Variants in EEFSEC observed in about 807,000 individuals in gnomAD.
EEFSEC encodes the protein selenocysteine-specific elongation factor.
In EEFSEC, 43 loss-of-function variants were observed where a neutral mutation model predicts 42.1. The observed-to-expected ratio is 1.02, with a 90% CI of 0.80 to 1.32. The LOEUF is 1.32. EEFSEC is among the 40% of genes most tolerant of loss of function. The pLI is 0.00. For missense variants in EEFSEC, 745 were observed against 803.6 expected (o/e 0.93, Z 0.88); for synonymous variants, 354 against 339.1 (o/e 1.04, Z -0.48).
At chr3:128,238,103 TCTC>T (rs2066032043) in intron 1 of EEFSEC, among the ~76,000 whole-genome samples, 1 of 152,018 alleles carries the variant, frequency 6.6e-6, no homozygotes, top group Non-Finnish European at 1.5e-5. Context: ...AAATGGGAGG[TCTC>T]CTCTTCCAGG....
chr3:128,238,286 A>G (rs552212867), intron 1 of EEFSEC, among the ~76,000 whole-genome samples: 1 of 152,350 alleles, frequency 6.6e-6, no homozygotes, highest in East Asian at 1.9e-4. Context: ...CCTCAGCCAC[A>G]TCAGACAAAG....
intron 1 of EEFSEC, among the ~76,000 whole-genome samples, chr3:128,163,531 A>G (rs1313780829): frequency 2.0e-5 from 3 of 152,076 alleles, no homozygotes; most frequent in Admixed American, 2.0e-4. Context: ...ATTTTATGGT[A>G]TGTAAATTAC....
intron 1 of EEFSEC, among the ~76,000 whole-genome samples, chr3:128,193,498 C>T (rs1329868493): frequency 6.6e-6 from 1 of 152,216 alleles, no homozygotes; most frequent in Non-Finnish European, 1.5e-5. Flanking sequence ...ATTCATTTAT[C>T]CAGTTACGTA....
chr3:128,409,361 CGT>C (rs60523218), downstream of EEFSEC, among the ~76,000 whole-genome samples: 12,534 of 148,862 alleles, frequency 0.084, 834 homozygotes, highest in East Asian at 0.38. Flanking sequence ...GCCCCAGAGC[CGT>C]GTGTGTGTGT....
chr3:128,242,057 G>A (rs1011441655), intron 1 of EEFSEC, among the ~76,000 whole-genome samples: 5 of 152,174 alleles, frequency 3.3e-5, no homozygotes, highest in African/African-American at 4.8e-5. Flanking sequence ...GCTCACGCCC[G>A]TAATCCTAGT....
intron 6 of EEFSEC, among the ~76,000 whole-genome samples, chr3:128,404,657 C>T (rs2068088642): frequency 6.6e-6 from 1 of 152,252 alleles, no homozygotes; most frequent in Admixed American, 6.5e-5. Flanking sequence ...GGCCAGGGTC[C>T]TCCCCATGCC....
intron 4 of EEFSEC, among the ~76,000 whole-genome samples, chr3:128,321,273 T>G (rs1314465486): frequency 1.3e-5 from 2 of 152,032 alleles, no homozygotes; most frequent in Non-Finnish European, 2.9e-5. Context: ...GGAACTGGCT[T>G]TCTGCTTGTG....
chr3:128,265,416 A>G (rs775914943), intron 4 of EEFSEC, among the ~76,000 whole-genome samples: 1 of 152,186 alleles, frequency 6.6e-6, no homozygotes, highest in Admixed American at 6.5e-5. Context: ...GATTTAAAAG[A>G]TAGTGCCTTG....
chr3:128,253,805 A>G (rs929340033), intron 2 of EEFSEC, among the ~76,000 whole-genome samples: 2 of 152,090 alleles, frequency 1.3e-5, no homozygotes, highest in African/African-American at 2.4e-5. Context: ...CTACTCTAGA[A>G]CTGATTGACA....
intron 1 of EEFSEC, among the ~76,000 whole-genome samples, chr3:128,241,466 C>T (rs2066070969): frequency 6.6e-6 from 1 of 152,160 alleles, no homozygotes; most frequent in Non-Finnish European, 1.5e-5. Context: ...ACACCTCAGC[C>T]TCCCAAAGTG....
chr3:128,283,262 G>T (rs2066547964), intron 4 of EEFSEC, among the ~76,000 whole-genome samples: 1 of 152,176 alleles, frequency 6.6e-6, no homozygotes, highest in South Asian at 2.1e-4. Context: ...TCAGCTCCAG[G>T]TCTCATTGAA....
At chr3:128,314,883 A>G (rs568703903) in intron 4 of EEFSEC, among the ~76,000 whole-genome samples, 14 of 152,314 alleles carry the variant, frequency 9.2e-5, no homozygotes, top group Non-Finnish European at 2.1e-4. Flanking sequence ...TGCTGTGCAC[A>G]AATGTGTAGC....
At chr3:128,393,729 C>A in intron 6 of EEFSEC, among the ~76,000 whole-genome samples, 1 of 152,262 alleles carries the variant, frequency 6.6e-6, no homozygotes, top group East Asian at 1.9e-4. Flanking sequence ...CTGGACAGTA[C>A]TGGGCCAGGG....
chr3:128,314,944 G>C (rs1158890465), intron 4 of EEFSEC, among the ~76,000 whole-genome samples: 1 of 152,154 alleles, frequency 6.6e-6, no homozygotes, highest in Non-Finnish European at 1.5e-5. Context: ...CAGGGATGGG[G>C]GTCGCCTGGA....
chr3:128,176,479 G>C (rs1207278596), intron 1 of EEFSEC, among the ~76,000 whole-genome samples: 1 of 152,154 alleles, frequency 6.6e-6, no homozygotes, highest in African/African-American at 2.4e-5. Flanking sequence ...TGTCTGCCGG[G>C]AGAGACCAGT....
chr3:128,216,825 C>A (rs540893268), intron 1 of EEFSEC, among the ~76,000 whole-genome samples: 6 of 152,170 alleles, frequency 3.9e-5, no homozygotes, highest in African/African-American at 7.2e-5. Flanking sequence ...AGGCAGTGGG[C>A]TATAGGTAGG....
the EEFSEC span, among the ~76,000 whole-genome samples, chr3:128,422,003 A>G: frequency 6.6e-6 from 1 of 152,152 alleles, no homozygotes; most frequent in Non-Finnish European, 1.5e-5. Context: ...TTTGTGGAAA[A>G]AAACAGCAGC....
chr3:128,417,498 T>C, the EEFSEC span, among the ~76,000 whole-genome samples: 1 of 152,064 alleles, frequency 6.6e-6, no homozygotes, highest in Admixed American at 6.5e-5. This position sits in a 1 kb window ranked among gnomAD's most constrained non-coding sequence, Gnocchi z 4.3. Flanking sequence ...TCCCACCCGC[T>C]GTTTCACCCT....
At chr3:128,406,055 AC>A (rs975522387) in intron 6 of EEFSEC, among the ~76,000 whole-genome samples, 1 of 151,680 alleles carries the variant, frequency 6.6e-6, no homozygotes. Flanking sequence ...TCCCACCAGG[AC>A]CCCCCAGTGG....
Sources: allele counts gnomAD v4.1 joint callset (sites outside exome capture counted in the v4.1 genomes callset), GRCh38; gene constraint gnomAD v4.1.1; non-coding constraint Gnocchi (gnomAD v3.1); transcripts MANE v1.5; gene names NCBI Gene and HGNC (gene_info 2026-07-23, HGNC 2026-07-21).